ATXN8OS: variants seen among roughly 807,000 people sequenced by gnomAD.
ATXN8OS encodes ATXN8 opposite strand lncRNA, also known as ATXN8 opposite strand (non-protein coding).
At chr13:70,135,067 A>G (rs1036585837) in intron 3 of ATXN8OS, among the ~76,000 whole-genome samples, 8 of 152,156 alleles carry the variant, frequency 5.3e-5, no homozygotes, top group African/African-American at 1.7e-4. Context: ...TAGCCCAACA[A>G]TCATAAACTT....
At chr13:70,138,986 G>A (rs1031525877) in intron 3 of ATXN8OS, among the ~76,000 whole-genome samples, 2 of 151,958 alleles carry the variant, frequency 1.3e-5, no homozygotes, top group African/African-American at 4.8e-5. Context: ...GAAGTCACTG[G>A]TAATTTTACA....
intron 1 of ATXN8OS, among the ~76,000 whole-genome samples, chr13:70,111,143 A>T (rs1888194145): frequency 6.6e-6 from 1 of 152,206 alleles, no homozygotes; most frequent in African/African-American, 2.4e-5. Context: ...TTACTGTAAT[A>T]CACAAATACA....
At chr13:70,142,076 G>T (rs1451053810) in intron 3 of ATXN8OS, among the ~76,000 whole-genome samples, 2 of 152,048 alleles carry the variant, frequency 1.3e-5, no homozygotes, top group Non-Finnish European at 2.9e-5. Flanking sequence ...AAGAGACAGG[G>T]TTTCTCCATG....
At chr13:70,136,583 T>A (rs1888618440) in intron 3 of ATXN8OS, among the ~76,000 whole-genome samples, 1 of 152,004 alleles carries the variant, frequency 6.6e-6, no homozygotes, top group South Asian at 2.1e-4. Context: ...AAAAATCTCC[T>A]CGTATTCAGG....
intron 3 of ATXN8OS, among the ~76,000 whole-genome samples, chr13:70,138,516 ATATT>A (rs1463315580): frequency 6.6e-6 from 1 of 152,118 alleles, no homozygotes; most frequent in Admixed American, 6.6e-5. Flanking sequence ...CATTCAGAAA[ATATT>A]TATTGAGTGT....
chr13:70,152,878 T>C (rs1353377435), intron 4 of ATXN8OS, among the ~76,000 whole-genome samples: 2 of 152,080 alleles, frequency 1.3e-5, no homozygotes, highest in Non-Finnish European at 2.9e-5. Flanking sequence ...AGGCAGAGAT[T>C]ACTAGATTAC....
At chr13:70,142,488 T>C (rs9564660) in intron 3 of ATXN8OS, among the ~76,000 whole-genome samples, 23,950 of 152,172 alleles carry the variant, frequency 0.16, 2,271 homozygotes, top group East Asian at 0.47. Flanking sequence ...ATTAGAGCTA[T>C]GTTTTAGCAA....
exon 5 of ATXN8OS, among the ~76,000 whole-genome samples, chr13:70,170,779 G>A (rs1339637888): frequency 2.0e-5 from 3 of 152,012 alleles, no homozygotes; most frequent in Non-Finnish European, 2.9e-5. Context: ...ATTATTAGGT[G>A]ATTGTGTCAG....
At chr13:70,168,618 A>G (rs979215242) in intron 4 of ATXN8OS, among the ~76,000 whole-genome samples, 11 of 150,348 alleles carry the variant, frequency 7.3e-5, no homozygotes, top group African/African-American at 2.4e-4. Flanking sequence ...TTAGCTCCCA[A>G]TAGGAGAGAG....
exon 3 of ATXN8OS, chr13:70,129,822 G>A (rs1888503429): frequency 5.0e-6 from 2 of 398,424 alleles, no homozygotes; most frequent in African/African-American, 4.1e-5. Flanking sequence ...AATCCTAGAA[G>A]GATGTATGTA....
intron 2 of ATXN8OS, among the ~76,000 whole-genome samples, chr13:70,116,105 T>C (rs1447883234): frequency 1.3e-5 from 2 of 151,892 alleles, no homozygotes; most frequent in African/African-American, 4.8e-5. Flanking sequence ...ACATTTTTTA[T>C]TGAGCACTTA....
intron 4 of ATXN8OS, among the ~76,000 whole-genome samples, chr13:70,150,703 G>A (rs866735777): frequency 6.6e-6 from 1 of 152,000 alleles, no homozygotes; most frequent in African/African-American, 2.4e-5. Context: ...ACTCCTCTAG[G>A]AAGTATTTAG....
intron 1 of ATXN8OS, among the ~76,000 whole-genome samples, chr13:70,109,192 GAGA>G (rs1353569930): frequency 6.6e-6 from 1 of 152,226 alleles, no homozygotes; most frequent in Non-Finnish European, 1.5e-5. Context: ...TAGGCGTTTG[GAGA>G]AGATGTGTTT....
chr13:70,165,971 T>C (rs1008277271), intron 4 of ATXN8OS, among the ~76,000 whole-genome samples: 2 of 152,010 alleles, frequency 1.3e-5, no homozygotes, highest in African/African-American at 4.8e-5. Context: ...TTAGAATACT[T>C]CCTTAACACA....
chr13:70,135,670 T>C (rs1342311540), intron 3 of ATXN8OS, among the ~76,000 whole-genome samples: 1 of 152,100 alleles, frequency 6.6e-6, no homozygotes, highest in Admixed American at 6.6e-5. Flanking sequence ...GCACTTCTTA[T>C]CTGCACTACT....
At chr13:70,131,007 A>T (rs1291702755) in intron 3 of ATXN8OS, 1 of 398,414 alleles carries the variant, frequency 2.5e-6, no homozygotes, top group African/African-American at 2.1e-5. Flanking sequence ...GAATTGACTG[A>T]ATATCTTAAA....
At chr13:70,154,922 T>C (rs528571759) in intron 4 of ATXN8OS, among the ~76,000 whole-genome samples, 1 of 152,334 alleles carries the variant, frequency 6.6e-6, no homozygotes, top group African/African-American at 2.4e-5. Context: ...TCTGGATTGC[T>C]TGGCAGTGGT....
intron 4 of ATXN8OS, among the ~76,000 whole-genome samples, chr13:70,164,049 T>TTTATTATTATTA (rs750052822): frequency 1.4e-5 from 2 of 140,504 alleles, no homozygotes; most frequent in African/African-American, 2.7e-5. Context: ...GCTGGAAGTT[T>TTTATTATTATTA]TTATTCTTAT....
chr13:70,148,740 T>C (rs901316564), intron 4 of ATXN8OS, among the ~76,000 whole-genome samples: 1 of 152,104 alleles, frequency 6.6e-6, no homozygotes, highest in African/African-American at 2.4e-5. Flanking sequence ...TAGGCAAGTG[T>C]TTTTAGTCTC....
Sources: allele counts gnomAD v4.1 joint callset (sites outside exome capture counted in the v4.1 genomes callset), GRCh38; gene constraint gnomAD v4.1.1; transcripts MANE v1.5; gene names NCBI Gene and HGNC (gene_info 2026-07-23, HGNC 2026-07-21).